The following VWA3A variants were observed in gnomAD, a reference collection of about 807,000 sequenced individuals.
The protein encoded by VWA3A is von Willebrand factor A domain containing 3A, also known as von Willebrand factor A domain-containing protein 3A.
VWA3A carries 134 observed loss-of-function variants against 160.4 expected under a neutral mutation model. That is an observed-to-expected ratio of 0.84 (90% confidence interval 0.73 to 0.96). The LOEUF (loss-of-function observed/expected upper bound fraction) is 0.96, where lower values mean the gene tolerates loss of function less well. VWA3A is among the 40% of genes least tolerant of loss of function. The pLI, the probability that VWA3A is intolerant of heterozygous loss-of-function variation, is 0.00. For synonymous variants in VWA3A, 476 were observed against 543.4 expected (o/e 0.88, Z 1.72); for missense variants, 1,310 against 1,447.9 (o/e 0.90, Z 1.55).
chr16:22,122,281 GTGGATGGATGGATGGATGGATGGATGGA>G (rs753561947), intron 14 of VWA3A, among the ~76,000 whole-genome samples: 3 of 146,654 alleles, frequency 2.0e-5, no homozygotes, highest in African/African-American at 7.7e-5. Context: ...GGATGGATGG[GTGGATGGATGGATGGATGGATGGATGGA>G]TGCATGGATG....
chr16:22,155,145 C>T (rs1175057234), intron 31 of VWA3A, among the ~76,000 whole-genome samples: 1 of 152,038 alleles, frequency 6.6e-6, no homozygotes, highest in Non-Finnish European at 1.5e-5. Context: ...CAGAGCAAGG[C>T]TCTGTCTCTA....
At chr16:22,149,644 G>T in intron 28 of VWA3A, 143 bp from the exon 29 acceptor site, 1 of 1,039,518 alleles carries the variant, frequency 9.6e-7, no homozygotes, top group Non-Finnish European at 1.3e-6. Flanking sequence ...AGGGGCCACA[G>T]GGCTCGTTGT....
chr16:22,152,629 G>A lies in VWA3A; in HGVS notation c.3400G>A (p.Glu1134Lys), dbSNP rs879365011. Residue 1134 changes from glutamate (E) to lysine (K), a missense_variant, in exon 31 of 34, where the codon GAA becomes AAA. Coordinates refer to ENST00000389398, the MANE Select transcript of VWA3A (RefSeq NM_173615.5). Reference protein sequence around the residue: ...HSLLTKGFINEKDPTLPPFEG... With the variant: ...HSLLTKGFINKKDPTLPPFEG... ...CCTGCTGACCAAAGGCTTCATCAAT[G>A]AAAAGGTAGGTTGCAGAGCCACTGA... is the stretch of plus-strand genomic sequence containing the variant. 7 of 1,603,188 alleles carry A rather than the reference G, an allele frequency of 4.4e-6. No individual in the cohort carries two copies. The highest frequency in any genetic ancestry group is 6.0e-6 in the Non-Finnish European group (7 of 1,174,800).
chr16:22,118,362 CA>C (rs1342073093), intron 11 of VWA3A, among the ~76,000 whole-genome samples: 1 of 152,046 alleles, frequency 6.6e-6, no homozygotes, highest in Non-Finnish European at 1.5e-5. Context: ...TACACTTTTA[CA>C]GTTAGAAAAC....
chr16:22,138,233 G>T lies in VWA3A; in HGVS notation c.2140-127G>T, dbSNP rs549940523. The T allele has an allele frequency of 1.3e-4, 152 of 1,189,710 alleles. 3 individuals are homozygous for T. In the South Asian group the frequency reaches 2.4e-3, roughly 19 times the overall value. The allele number at this position is 1,189,710 out of a possible 1,614,324, so 73.7% of individuals were successfully genotyped here. A position where few individuals can be genotyped will look rare whatever the true frequency, so the allele number is the denominator to read the frequency against. On this transcript the variant is annotated intron_variant, in intron 21 of 33. Coordinates refer to ENST00000389398, the MANE Select transcript of VWA3A (RefSeq NM_173615.5). ...ACTTTCAGCCCCAGGTGGCTTTCTA[G>T]GGACAAAAAGAGGAGTCCAGGGGAC...
chr16:22,107,763 G>A (rs977503126), intron 6 of VWA3A, among the ~76,000 whole-genome samples: 5 of 152,094 alleles, frequency 3.3e-5, no homozygotes, highest in African/African-American at 9.7e-5. Context: ...AGCCTGGAGT[G>A]GGACCTGAGA....
Position 22,140,170 on chromosome 16 carries a change from C to T in VWA3A, c.2309C>T (p.Pro770Leu). ...GTTTTCTAGAGCATTAAAGATGACC[C>T]TGACAGAGAGAAGAGCCCCCCGCTG... ...LGARMSIKDDPDREKSPPLKS... is the reference protein window; with the variant it reads ...LGARMSIKDDLDREKSPPLKS... The change falls in exon 23 of 34, where the codon CCT (proline) becomes CTT (leucine). Residue 770 changes from proline to leucine, a missense_variant. By Grantham distance (98) the Pro-to-Leu change is moderately conservative. Transcript: ENST00000389398. 1 of 1,613,556 alleles carries T rather than the reference C, an allele frequency of 6.2e-7. No individual in the cohort carries two copies. The highest frequency in any genetic ancestry group is 8.5e-7 in the Non-Finnish European group (1 of 1,179,712).
chr16:22,103,661 G>A, intron 6 of VWA3A, 132 bp downstream of exon 6: 1 of 1,048,128 alleles, frequency 9.5e-7, no homozygotes. Context: ...ACTAACCTAA[G>A]TAAATGAAAA....
intron 18 of VWA3A, 137 bp downstream of exon 18, chr16:22,131,416 A>AAC (rs2045946071): frequency 7.0e-7 from 1 of 1,427,864 alleles, no homozygotes; most frequent in Non-Finnish European, 9.5e-7. Context: ...GAAATCAGAA[A>AAC]ACAGCTTCCT....
intron 16 of VWA3A, among the ~76,000 whole-genome samples, chr16:22,125,447 G>A (rs752722333): frequency 6.6e-6 from 1 of 151,690 alleles, no homozygotes; most frequent in Non-Finnish European, 1.5e-5. Context: ...TGTTTGAGAC[G>A]GAATCTCGCT....
chr16:22,154,323 C>CTTTTTTTT (rs988862954), intron 31 of VWA3A, among the ~76,000 whole-genome samples: 21 of 73,902 alleles, frequency 2.8e-4, no homozygotes, highest in Non-Finnish European at 4.2e-4. Flanking sequence ...TTTTCTTTTT[C>CTTTTTTTT]TTTTTTTTTT....
chr16:22,150,552 C>A (rs2046331012), intron 29 of VWA3A, 143 bp from the exon 30 acceptor site: 11 of 989,768 alleles, frequency 1.1e-5, no homozygotes, highest in Middle Eastern at 6.6e-4. Flanking sequence ...GAAAGAGAAT[C>A]TCAGTCTTTT....
At chr16:22,093,841 C>G (rs761572999) in intron 1 of VWA3A, among the ~76,000 whole-genome samples, 19 of 152,170 alleles carry the variant, frequency 1.2e-4, no homozygotes, top group Middle Eastern at 3.4e-3. Flanking sequence ...CACAGCTCAC[C>G]GCAGCCTCAA....
chr16:22,109,176 A>G (rs2045519596), intron 6 of VWA3A, among the ~76,000 whole-genome samples: 1 of 152,230 alleles, frequency 6.6e-6, no homozygotes, highest in East Asian at 1.9e-4. Flanking sequence ...ATCTTCAAAC[A>G]AAGGGTGCTT....
chr16:22,127,158 G>A (rs113192491), intron 17 of VWA3A, among the ~76,000 whole-genome samples: 15 of 151,470 alleles, frequency 9.9e-5, no homozygotes, highest in Admixed American at 2.0e-4. Flanking sequence ...ATGGAGTCTC[G>A]CTCTGTTGCC....
At chr16:22,154,901 C>T (rs1310677549) in intron 31 of VWA3A, among the ~76,000 whole-genome samples, 5 of 133,430 alleles carry the variant, frequency 3.7e-5, no homozygotes, top group Non-Finnish European at 7.8e-5. Context: ...TTGCAGTGAG[C>T]CGAGATTGCG....
chr16:22,149,597 C>T (rs1395450159), intron 28 of VWA3A, among the ~76,000 whole-genome samples, 190 bp from the exon 29 acceptor site: 1 of 152,040 alleles, frequency 6.6e-6, no homozygotes, highest in African/African-American at 2.4e-5. Context: ...CAGTGTGTAC[C>T]CTCTCATTCT....
intron 16 of VWA3A, 55 bp downstream of exon 16, chr16:22,123,762 A>G (rs993905081): frequency 2.0e-6 from 3 of 1,490,146 alleles, no homozygotes; most frequent in African/African-American, 2.8e-5. Context: ...GTGACGTGAC[A>G]TTTATCCGCC....
intron 23 of VWA3A, 131 bp from the exon 24 acceptor site, chr16:22,141,451 T>C: frequency 1.2e-6 from 1 of 816,976 alleles, no homozygotes; most frequent in Non-Finnish European, 2.0e-6. Context: ...ACAGGGTGCC[T>C]TGAAGCCATC....
Sources: gnomAD v4.1 joint callset for allele counts (sites outside exome capture counted in the v4.1 genomes callset) on GRCh38, gnomAD v4.1.1 for gene constraint, MANE v1.5 for transcripts, NCBI Gene and HGNC (gene_info 2026-07-23, HGNC 2026-07-21) for gene names.